Variants in BCAS3 observed in about 807,000 individuals in gnomAD.
BCAS3 encodes BCAS3 microtubule associated cell migration factor, also known as BCAS4/BCAS3 fusion.
Under a neutral mutation model 116.1 loss-of-function variants are expected in BCAS3, and 53 were observed. The observed-to-expected ratio is 0.46, with a 90% CI of 0.37 to 0.57. BCAS3 has a LOEUF of 0.57. Among genes scored for constraint, BCAS3 ranks in the 20% least tolerant of loss-of-function variants. The probability of loss-of-function intolerance (pLI) is 0.00; values close to 1 mark genes in which losing one functional copy is unlikely to be tolerated. For synonymous variants in BCAS3, 391 were observed against 408.2 expected (o/e 0.96, Z 0.51); for missense variants, 917 against 1,165.4 (o/e 0.79, Z 3.10).
chr17:61,373,804 C>CTTTT lies in BCAS3; in HGVS notation c.2593+5313_2593+5314insTTTT, dbSNP rs201141656. Among the ~76,000 whole-genome samples the CTTTT allele has an allele frequency of 1.4e-3, 105 of 76,118 alleles. 8 individuals carry two copies. The highest frequency in any genetic ancestry group is 1.9e-3 in the Non-Finnish European group (68 of 36,684). 49.9% of individuals were successfully genotyped at this position (76,118 alleles called of 152,430 possible). The stretch of plus-strand genomic sequence containing the variant: ...TTGCTGCTGTTAACTTCTTCTTCTT[C>CTTTT]TTTGTTTTTTTTTTTTTTTTTTTTG... On this transcript the variant is annotated intron_variant, in intron 23 of 23. Transcript: ENST00000407086.
intron 22 of BCAS3, among the ~76,000 whole-genome samples, chr17:61,237,109 G>A (rs2083121809): frequency 2.6e-5 from 4 of 152,166 alleles, no homozygotes; most frequent in South Asian, 2.1e-4. Flanking sequence ...GAGAGGTGAA[G>A]CCAGCTGGAC....
chr17:61,212,012 ATCT>A (rs2081488424), intron 22 of BCAS3, among the ~76,000 whole-genome samples: 1 of 152,250 alleles, frequency 6.6e-6, no homozygotes, highest in African/African-American at 2.4e-5. Flanking sequence ...GTTGCAAATA[ATCT>A]TTTCTGTAAG....
intron 22 of BCAS3, among the ~76,000 whole-genome samples, chr17:61,312,266 A>G (rs2054374322): frequency 6.6e-6 from 1 of 152,154 alleles, no homozygotes; most frequent in African/African-American, 2.4e-5. Flanking sequence ...AGGTCTCTCC[A>G]AGGAAGGGGA....
chr17:60,750,267 A>G (rs2042343796), intron 6 of BCAS3, among the ~76,000 whole-genome samples: 1 of 152,178 alleles, frequency 6.6e-6, no homozygotes, highest in Non-Finnish European at 1.5e-5. Flanking sequence ...ACTTTGCCAA[A>G]TCTCAGTAGC....
intron 22 of BCAS3, among the ~76,000 whole-genome samples, chr17:61,273,647 T>G (rs1350153281): frequency 6.6e-6 from 1 of 151,910 alleles, no homozygotes; most frequent in African/African-American, 2.4e-5. Context: ...TTTCAAAAAT[T>G]TTTAATGCCT....
rs914675427 is a variant in BCAS3 at position 61,256,596 on chromosome 17, G to A, written c.2426-111731G>A. Reference sequence around the variant, plus strand: ...TGGGATTACAGGCGTGAGCCACCGCGCCTGGCCGTTTGGTTTTGTTTAGGT... The same window carrying A: ...TGGGATTACAGGCGTGAGCCACCGCACCTGGCCGTTTGGTTTTGTTTAGGT... On this transcript the variant is annotated intron_variant, in intron 22 of 23. Coordinates refer to ENST00000407086, the MANE Select transcript of BCAS3 (RefSeq NM_017679.5). The surrounding 1 kb of genome is among the most constrained non-coding windows in gnomAD (Gnocchi z 5.6). 3.9e-5 allele frequency among the ~76,000 whole-genome samples: 6 copies of A among 152,180 alleles called. No homozygotes were observed. Among genetic ancestry groups the A allele is most frequent in the Admixed American group, 3.9e-4 (6 of 15,280 alleles).
chr17:61,002,771 G>T (rs2064341067), intron 15 of BCAS3: 1 of 151,988 alleles, frequency 6.6e-6, no homozygotes, highest in Non-Finnish European at 1.5e-5. Flanking sequence ...TTCTCTATGT[G>T]TTGCTATTCA....
chr17:61,160,441 A>G (rs1295577008), intron 22 of BCAS3, among the ~76,000 whole-genome samples: 1 of 152,194 alleles, frequency 6.6e-6, no homozygotes, highest in Non-Finnish European at 1.5e-5. Flanking sequence ...GCATCATGGC[A>G]GACAAGTATG....
Position 61,368,886 on chromosome 17 carries a change from C to T in BCAS3, c.2593+392C>T, listed in dbSNP as rs1288760574. 6.6e-6 allele frequency among the ~76,000 whole-genome samples: 1 copy of T among 152,222 alleles called. No individual in the cohort carries two copies. The highest frequency in any genetic ancestry group is 2.4e-5 in the African/African-American group (1 of 41,470). ...GCAAGTCTCAGTAGGGCCTGCCAAC[C>T]TGAGCGGAGTAAGCATGAAGCAGGC... On this transcript the variant is annotated intron_variant, in intron 23 of 23. Coordinates refer to ENST00000407086, the MANE Select transcript of BCAS3 (RefSeq NM_017679.5). This position sits in a 1 kb window ranked among gnomAD's most constrained non-coding sequence, Gnocchi z 6.0.
intron 7 of BCAS3, among the ~76,000 whole-genome samples, chr17:60,826,812 T>A (rs1340236522): frequency 1.3e-5 from 2 of 152,222 alleles, no homozygotes. Flanking sequence ...CAGAAGATAG[T>A]AGTCTATAAT....
At chr17:60,726,725 G>A (rs2039909082) in intron 5 of BCAS3, among the ~76,000 whole-genome samples, 2 of 151,268 alleles carry the variant, frequency 1.3e-5, no homozygotes, top group Admixed American at 1.3e-4. Context: ...TAGCTAGGAT[G>A]GTCTTGATCT....
At chr17:61,271,124 C>CTTTTTTT (rs1198682844) in intron 22 of BCAS3, among the ~76,000 whole-genome samples, 1 of 107,124 alleles carries the variant, frequency 9.3e-6, no homozygotes. Context: ...AACTTTTATT[C>CTTTTTTT]TTTTTTTTTT....
At chr17:60,749,599 T>G (rs1256391773) in intron 6 of BCAS3, among the ~76,000 whole-genome samples, 1 of 152,244 alleles carries the variant, frequency 6.6e-6, no homozygotes, top group Non-Finnish European at 1.5e-5. Flanking sequence ...TTTTTTAAAA[T>G]TAATTTCTTT....
chr17:60,936,128 G>A (rs1384830252), intron 13 of BCAS3, among the ~76,000 whole-genome samples: 1 of 150,584 alleles, frequency 6.6e-6, no homozygotes, highest in African/African-American at 2.5e-5. Context: ...TTGTCCTTGT[G>A]ATAGTTTGCT....
Position 61,368,588 on chromosome 17 carries a change from T to A in BCAS3, c.2593+94T>A. The stretch of plus-strand genomic sequence containing the variant: ...GGAATCGTTTGTGGGCATATGTTTG[T>A]TTTTGCTGTTGGTTTCTTTAGTTAG... On this transcript the variant is annotated intron_variant, in intron 23 of 23. Coordinates refer to ENST00000407086, the MANE Select transcript of BCAS3 (RefSeq NM_017679.5). This position sits in a 1 kb window ranked among gnomAD's most constrained non-coding sequence, Gnocchi z 6.0. The A allele has an allele frequency of 7.2e-7, 1 of 1,392,818 alleles. No homozygotes were observed. The highest frequency in any genetic ancestry group is 9.6e-7 in the Non-Finnish European group (1 of 1,041,270). The allele number at this position is 1,392,818 out of a possible 1,614,324, so 86.3% of individuals were successfully genotyped here.
intron 22 of BCAS3, among the ~76,000 whole-genome samples, chr17:61,269,772 A>G (rs1410896596): frequency 6.7e-6 from 1 of 148,376 alleles, no homozygotes; most frequent in Non-Finnish European, 1.5e-5. Flanking sequence ...ATTAATGTCT[A>G]TTCAATTCCT....
In BCAS3 at chr17:61,333,043, C is replaced by T. The variant is rs2056416796; in HGVS notation, c.2426-35284C>T. On this transcript the variant is annotated intron_variant, in intron 22 of 23. Transcript: ENST00000407086. This position sits in a 1 kb window ranked among gnomAD's most constrained non-coding sequence, Gnocchi z 4.8. ...TAACCTTTCTAGAATACTGCCCTCCCTAAACCTACACTGCTGCAGCCTGGA... is the reference window on the plus strand; with the variant it reads ...TAACCTTTCTAGAATACTGCCCTCCTTAAACCTACACTGCTGCAGCCTGGA... Among the ~76,000 whole-genome samples the T allele has an allele frequency of 2.0e-5, 3 of 152,234 alleles. No individual in the cohort carries two copies. In the South Asian group the frequency reaches 6.2e-4, roughly 31 times the overall value.
In BCAS3 at chr17:61,029,234, A is replaced by G. The variant is rs1029501858; in HGVS notation, c.1638-5432A>G. On this transcript the variant is annotated intron_variant, in intron 16 of 23. Coordinates refer to ENST00000407086, the MANE Select transcript of BCAS3 (RefSeq NM_017679.5). This position sits in a 1 kb window ranked among gnomAD's most constrained non-coding sequence, Gnocchi z 5.2. Reference sequence around the variant, plus strand: ...ACTTAGCTAAGAATTTGCTTTTGGTATATCACAATTTCTGCTAGTTCTTTA... The same window carrying G: ...ACTTAGCTAAGAATTTGCTTTTGGTGTATCACAATTTCTGCTAGTTCTTTA... Among the ~76,000 whole-genome samples the G allele has an allele frequency of 1.3e-5, 2 of 151,964 alleles. No individual in the cohort carries two copies. Among genetic ancestry groups the G allele is most frequent in the Non-Finnish European group, 2.9e-5 (2 of 67,876 alleles).
intron 14 of BCAS3, among the ~76,000 whole-genome samples, chr17:60,968,746 C>T (rs945375616): frequency 3.9e-5 from 6 of 152,116 alleles, no homozygotes; most frequent in African/African-American, 1.4e-4. Context: ...CTACATGGTG[C>T]TGCTGAACAG....
Sources: gnomAD v4.1 joint callset for allele counts (sites outside exome capture counted in the v4.1 genomes callset) on GRCh38, gnomAD v4.1.1 for gene constraint, Gnocchi (gnomAD v3.1) non-coding constraint, MANE v1.5 for transcripts, NCBI Gene and HGNC (gene_info 2026-07-23, HGNC 2026-07-21) for gene names.